Variants in ATXN1 observed in about 807,000 individuals in gnomAD.
The protein encoded by ATXN1 is ataxin-1.
A neutral mutation model predicts 56.4 loss-of-function variants in ATXN1; 8 were observed. The observed-to-expected ratio is 0.14, with a 90% confidence interval of 0.08 to 0.26. The LOEUF (loss-of-function observed/expected upper bound fraction) is 0.26. Among genes scored for constraint, ATXN1 ranks in the 10% least tolerant of loss-of-function variants. The pLI is 1.00. For missense variants in ATXN1, 987 were observed against 1,106.5 expected (o/e 0.89, Z 1.53); for synonymous variants, 514 against 494.6 (o/e 1.04, Z -0.52).
At chr6:16,396,249 A>T (rs1251026701) in intron 6 of ATXN1, among the ~76,000 whole-genome samples, 1 of 151,566 alleles carries the variant, frequency 6.6e-6, no homozygotes, top group East Asian at 1.9e-4. Context: ...TTAGTTTTTA[A>T]CAGAAAACTT....
chr6:16,661,220 G>T (rs1005571275), intron 2 of ATXN1, among the ~76,000 whole-genome samples: 1 of 151,606 alleles, frequency 6.6e-6, no homozygotes, highest in African/African-American at 2.4e-5. Context: ...TACACCATAT[G>T]GAAAATAAAT....
chr6:16,723,872 G>T (rs1304823055), intron 2 of ATXN1, among the ~76,000 whole-genome samples: 1 of 151,948 alleles, frequency 6.6e-6, no homozygotes, highest in Non-Finnish European at 1.5e-5. Context: ...AAAGTTTCTG[G>T]CTATCATGCA....
intron 6 of ATXN1, among the ~76,000 whole-genome samples, chr6:16,394,489 A>G (rs1363104566): frequency 6.6e-6 from 1 of 152,154 alleles, no homozygotes; most frequent in African/African-American, 2.4e-5. Context: ...ACATGTATAT[A>G]TTGTGTAATG....
At chr6:16,433,232 T>C (rs1216305043) in intron 6 of ATXN1, 1 of 152,236 alleles carries the variant, frequency 6.6e-6, no homozygotes, top group East Asian at 1.9e-4. Context: ...GCATTTCATG[T>C]GGCATCTGAG....
chr6:16,384,269 C>A (rs1371682138), intron 6 of ATXN1, among the ~76,000 whole-genome samples: 1 of 152,136 alleles, frequency 6.6e-6, no homozygotes, highest in Non-Finnish European at 1.5e-5. Flanking sequence ...CGTGATTAAA[C>A]AACTGAACAT....
chr6:16,569,136 C>A (rs868161216), intron 4 of ATXN1, among the ~76,000 whole-genome samples: 1 of 152,138 alleles, frequency 6.6e-6, no homozygotes, highest in African/African-American at 2.4e-5. Flanking sequence ...CTTGCCTTTT[C>A]ATGGGGAGCC....
intron 6 of ATXN1, among the ~76,000 whole-genome samples, chr6:16,411,043 T>C (rs781398089): frequency 2.3e-4 from 34 of 147,298 alleles, no homozygotes; most frequent in Non-Finnish European, 4.5e-4. Context: ...GAGAATTGCT[T>C]GAACCTGGGA....
At chr6:16,375,103 A>G (rs1762117607) in intron 6 of ATXN1, among the ~76,000 whole-genome samples, 1 of 152,226 alleles carries the variant, frequency 6.6e-6, no homozygotes, top group African/African-American at 2.4e-5. Context: ...GGCTGAAGAA[A>G]GCCGAGGCAT....
chr6:16,402,999 G>A (rs953179097), intron 6 of ATXN1, among the ~76,000 whole-genome samples: 1 of 152,204 alleles, frequency 6.6e-6, no homozygotes, highest in Non-Finnish European at 1.5e-5. Flanking sequence ...TCTGTAGATA[G>A]TGAATTTTTT....
intron 6 of ATXN1, among the ~76,000 whole-genome samples, chr6:16,425,626 T>C (rs1220376655): frequency 6.6e-6 from 1 of 152,210 alleles, no homozygotes; most frequent in East Asian, 1.9e-4. Flanking sequence ...ACATTTATCT[T>C]GTAAGTAACA....
intron 4 of ATXN1, among the ~76,000 whole-genome samples, chr6:16,551,199 A>G (rs1713331862): frequency 6.6e-6 from 1 of 152,208 alleles, no homozygotes; most frequent in South Asian, 2.1e-4. Flanking sequence ...TGCAGAACGG[A>G]TCCCAGCGCT....
intron 6 of ATXN1, among the ~76,000 whole-genome samples, chr6:16,335,184 T>C (rs1435927460): frequency 6.6e-6 from 1 of 152,256 alleles, no homozygotes; most frequent in Non-Finnish European, 1.5e-5. Flanking sequence ...AATTTCTTCT[T>C]GCTGTGTCCT....
At chr6:16,331,168 T>A (rs1760983141) in intron 6 of ATXN1, among the ~76,000 whole-genome samples, 1 of 152,144 alleles carries the variant, frequency 6.6e-6, no homozygotes, top group Non-Finnish European at 1.5e-5. Flanking sequence ...GCCTGGCTAA[T>A]TTTTGTATTT....
chr6:16,744,394 G>A (rs1278423173), intron 2 of ATXN1, among the ~76,000 whole-genome samples: 6 of 152,110 alleles, frequency 3.9e-5, no homozygotes, highest in South Asian at 2.1e-4. Flanking sequence ...TAAAGACCCC[G>A]ACCCCAGAGA....
intron 4 of ATXN1, among the ~76,000 whole-genome samples, chr6:16,523,813 GA>G (rs1287714040): frequency 2.0e-5 from 3 of 152,210 alleles, no homozygotes; most frequent in African/African-American, 7.2e-5. Flanking sequence ...GAGATGATGT[GA>G]ATGTTGGACA....
chr6:16,584,243 TAC>T (rs368108414), intron 4 of ATXN1, among the ~76,000 whole-genome samples: 1,375 of 118,264 alleles, frequency 0.012, 33 homozygotes, highest in African/African-American at 0.023. Flanking sequence ...TATATATATA[TAC>T]ACACACACAC....
At position 16,464,885 on chromosome 6, in the gene ATXN1, T is replaced by C. The variant is rs533225939; in HGVS notation, c.-161+21087A>G. ...GAAGAATGAACTCTAACATGAACTA[T>C]AGACTTTAGTTAATAATAATGTATC... On this transcript the variant is annotated intron_variant, in intron 6 of 7. Transcript: ENST00000436367. 9.9e-5 allele frequency among the ~76,000 whole-genome samples: 15 copies of C among 152,254 alleles called. No individual in the cohort carries two copies. In the South Asian group the frequency reaches 1.7e-3, roughly 17 times the overall value.
intron 5 of ATXN1, among the ~76,000 whole-genome samples, chr6:16,487,856 A>G (rs949864893): frequency 6.6e-6 from 1 of 152,176 alleles, no homozygotes; most frequent in Non-Finnish European, 1.5e-5. Flanking sequence ...TAACATTCGA[A>G]CAGGAAAGTC....
At chr6:16,419,728 G>A (rs1328339758) in intron 6 of ATXN1, among the ~76,000 whole-genome samples, 1 of 152,186 alleles carries the variant, frequency 6.6e-6, no homozygotes, top group Non-Finnish European at 1.5e-5. Flanking sequence ...TGCATGCTGA[G>A]TGGCTGCCCG....
Sources: allele counts gnomAD v4.1 joint callset (sites outside exome capture counted in the v4.1 genomes callset), GRCh38; gene constraint gnomAD v4.1.1; transcripts MANE v1.5; gene names NCBI Gene and HGNC (gene_info 2026-07-23, HGNC 2026-07-21).